RABGEF1: variants seen among roughly 807,000 people sequenced by gnomAD.
RABGEF1 encodes rab5 GDP/GTP exchange factor.
Under a neutral mutation model 57.3 loss-of-function variants are expected in RABGEF1, and 26 were observed. The observed-to-expected ratio is 0.45, with a 90% CI of 0.33 to 0.63. The LOEUF is 0.63. Ranked by LOEUF, RABGEF1 falls within the 20% of genes least tolerant of loss-of-function variation. The pLI, the probability that RABGEF1 is intolerant of heterozygous loss-of-function variation, is 0.02. For synonymous variants in RABGEF1, 185 were observed against 210.7 expected, an observed-to-expected ratio of 0.88 and a Z score of 1.06; for missense variants, 464 against 607.6, an observed-to-expected ratio of 0.76 and a Z score of 2.48.
intron 2 of RABGEF1, among the ~76,000 whole-genome samples, chr7:66,714,553 TCAGTTTC>T (rs1436941985): frequency 6.6e-6 from 1 of 152,230 alleles, no homozygotes; most frequent in Admixed American, 6.5e-5. Flanking sequence ...TCTATTGTTT[TCAGTTTC>T]ATTGGTTGCT....
intron 7 of RABGEF1, among the ~76,000 whole-genome samples, chr7:66,799,926 A>G (rs1221068223): frequency 1.3e-5 from 2 of 152,126 alleles, no homozygotes; most frequent in Non-Finnish European, 2.9e-5. Flanking sequence ...AGTTCCCCAA[A>G]TTGATGTGAC....
intron 4 of RABGEF1, among the ~76,000 whole-genome samples, chr7:66,785,218 A>G (rs941255798): frequency 1.6e-4 from 24 of 152,206 alleles, no homozygotes; most frequent in African/African-American, 5.8e-4. Flanking sequence ...GCCTATTTGT[A>G]AGGCATCACT....
chr7:66,732,599 A>G (rs1226756122), intron 2 of RABGEF1, among the ~76,000 whole-genome samples: 1 of 152,104 alleles, frequency 6.6e-6, no homozygotes, highest in Non-Finnish European at 1.5e-5. Flanking sequence ...CAGTCTCCCC[A>G]GAGTCCAGGC....
the RABGEF1 span, among the ~76,000 whole-genome samples, chr7:66,666,610 G>C: frequency 6.6e-6 from 1 of 152,220 alleles, no homozygotes; most frequent in Non-Finnish European, 1.5e-5. Flanking sequence ...AGTAGGGGCA[G>C]ATGTTGAGCC....
At chr7:66,693,116 C>T (rs1168769152) in intron 1 of RABGEF1, among the ~76,000 whole-genome samples, 1 of 152,132 alleles carries the variant, frequency 6.6e-6, no homozygotes, top group Non-Finnish European at 1.5e-5. Context: ...CGGGCTTCTT[C>T]ATGGACAGAG....
At position 66,808,736 on chromosome 7, in the gene RABGEF1, T is replaced by A; in HGVS notation, c.1078-150T>A. The A allele has an allele frequency of 7.9e-6, 7 of 883,978 alleles. No homozygotes were observed. The South Asian group carries it at 1.4e-4, about 18-fold the overall frequency. The allele number at this position is 883,978 out of a possible 1,614,324, so 54.8% of individuals were successfully genotyped here. A position where few individuals can be genotyped will look rare whatever the true frequency, so the allele number is the denominator to read the frequency against. ...ACGACCGGGGATAGGAGTAGGTAATTTTTGAGGCTGAAATACACAGAAGTT... is the reference window on the plus strand; with the variant it reads ...ACGACCGGGGATAGGAGTAGGTAATATTTGAGGCTGAAATACACAGAAGTT... On this transcript the variant is annotated intron_variant, in intron 8 of 8. Coordinates refer to ENST00000284957, the MANE Select transcript of RABGEF1 (RefSeq NM_014504.3).
chr7:66,796,175 G>C (rs35624856), intron 5 of RABGEF1, among the ~76,000 whole-genome samples: 15,753 of 152,070 alleles, frequency 0.1, 996 homozygotes, highest in South Asian at 0.2. Flanking sequence ...TTATTGGAAG[G>C]CTTTGCTAAA....
intron 1 of RABGEF1, among the ~76,000 whole-genome samples, chr7:66,688,125 G>A (rs1273582132): frequency 1.3e-5 from 2 of 148,584 alleles, no homozygotes; most frequent in Non-Finnish European, 3.0e-5. Context: ...AATGACATCA[G>A]GAGTGGCCAT....
At chr7:66,780,692 AT>A (rs1248792143) in intron 3 of RABGEF1, among the ~76,000 whole-genome samples, 3 of 152,074 alleles carry the variant, frequency 2.0e-5, no homozygotes, top group Non-Finnish European at 4.4e-5. Flanking sequence ...GTTCTGTCAG[AT>A]TTTGTTTTAT....
intron 1 of RABGEF1, among the ~76,000 whole-genome samples, chr7:66,699,129 C>T (rs1792816396): frequency 6.6e-6 from 1 of 152,146 alleles, no homozygotes; most frequent in Admixed American, 6.5e-5. Flanking sequence ...ATTCCAGGCC[C>T]CTCTGGGTTT....
chr7:66,720,942 G>C (rs1795979219), intron 2 of RABGEF1, among the ~76,000 whole-genome samples: 1 of 152,162 alleles, frequency 6.6e-6, no homozygotes, highest in Non-Finnish European at 1.5e-5. Flanking sequence ...ATTTGAGACA[G>C]AGTCTTACTC....
chr7:66,655,932 A>G, the RABGEF1 span, among the ~76,000 whole-genome samples: 2 of 152,188 alleles, frequency 1.3e-5, no homozygotes, highest in African/African-American at 4.8e-5. Flanking sequence ...TGTGGTAAGG[A>G]GTGTGAGCTA....
At chr7:66,708,584 T>G (rs1794408743) in intron 1 of RABGEF1, among the ~76,000 whole-genome samples, 1 of 152,118 alleles carries the variant, frequency 6.6e-6, no homozygotes, top group Non-Finnish European at 1.5e-5. Context: ...CCACCGCCCC[T>G]GGCCAGCCCA....
Position 66,729,560 on chromosome 7 carries a change from T to G in RABGEF1, c.-814-10436T>G, listed in dbSNP as rs1320094240. On this transcript the variant is annotated intron_variant and NMD_transcript_variant, in intron 2 of 9. Transcript: ENST00000607882. Reference sequence around the variant, plus strand: ...CTCACCTTTATCCTCACCTTCATCCTTACTTCTGCCTTCACTTCCATCCTT... The same window carrying G: ...CTCACCTTTATCCTCACCTTCATCCGTACTTCTGCCTTCACTTCCATCCTT... Among the ~76,000 whole-genome samples, 5 of 151,566 alleles carry G rather than the reference T, an allele frequency of 3.3e-5. No individual in the cohort carries two copies. In the East Asian group the frequency reaches 9.7e-4, roughly 29 times the overall value.
chr7:66,736,031 T>C (rs28607736), upstream of RABGEF1, among the ~76,000 whole-genome samples: 15,873 of 152,136 alleles, frequency 0.1, 911 homozygotes, highest in Non-Finnish European at 0.11. Flanking sequence ...AACTTGTATT[T>C]AGCATTGCAC....
chr7:66,667,596 C>G, the RABGEF1 span: 1 of 152,338 alleles, frequency 6.6e-6, no homozygotes, highest in Non-Finnish European at 1.5e-5. Context: ...CTAACCCTCT[C>G]TGGTTTTACT....
intron 1 of RABGEF1, among the ~76,000 whole-genome samples, chr7:66,753,057 A>G (rs1228554315): frequency 2.6e-5 from 4 of 152,214 alleles, no homozygotes; most frequent in Admixed American, 6.5e-5. Flanking sequence ...TGAGTATTAT[A>G]ATGGCTGTAT....
intron 7 of RABGEF1, among the ~76,000 whole-genome samples, chr7:66,801,403 CT>C (rs1417927511): frequency 6.6e-6 from 1 of 152,114 alleles, no homozygotes; most frequent in Non-Finnish European, 1.5e-5. Context: ...CTGTTATATT[CT>C]CTTAATTACT....
chr7:66,730,412 G>T (rs1412668385), intron 2 of RABGEF1, among the ~76,000 whole-genome samples: 1 of 152,154 alleles, frequency 6.6e-6, no homozygotes, highest in Non-Finnish European at 1.5e-5. Context: ...ATTATTTTTA[G>T]ATAGAGTCTT....
Sources: gnomAD v4.1 joint callset for allele counts (sites outside exome capture counted in the v4.1 genomes callset) on GRCh38, gnomAD v4.1.1 for gene constraint, MANE v1.5 for transcripts, NCBI Gene and HGNC (gene_info 2026-07-23, HGNC 2026-07-21) for gene names.